The following CDH4 variants were observed in gnomAD, a reference collection of about 807,000 sequenced individuals.
The protein encoded by CDH4 is cadherin 4.
Under a neutral mutation model 86.0 loss-of-function variants are expected in CDH4, and 33 were observed. The observed-to-expected ratio is 0.38, with a 90% CI of 0.29 to 0.51. CDH4 has a LOEUF of 0.51. Ranked by LOEUF, CDH4 falls within the 20% of genes least tolerant of loss-of-function variation. The pLI is 0.86. For missense variants in CDH4, 1,114 were observed against 1,307.4 expected (o/e 0.85, Z 2.28); for synonymous variants, 555 against 549.4 (o/e 1.01, Z -0.14).
chr20:61,507,256 T>C (rs1293857287), intron 2 of CDH4, among the ~76,000 whole-genome samples: 2 of 152,170 alleles, frequency 1.3e-5, no homozygotes, highest in Non-Finnish European at 1.5e-5. Flanking sequence ...CACATCTAAT[T>C]AGGAGATGGT....
chr20:61,271,967 A>T (rs1339910951), intron 2 of CDH4, among the ~76,000 whole-genome samples: 1 of 152,200 alleles, frequency 6.6e-6, no homozygotes, highest in East Asian at 1.9e-4. Flanking sequence ...AGCCGTGTGC[A>T]TGGAGGACGG....
chr20:61,605,979 C>T (rs911069023), intron 2 of CDH4, among the ~76,000 whole-genome samples: 1 of 151,954 alleles, frequency 6.6e-6, no homozygotes, highest in Admixed American at 6.6e-5. Flanking sequence ...GATGAGGAGG[C>T]CCTGGGTGGA....
intron 2 of CDH4, among the ~76,000 whole-genome samples, chr20:61,317,038 A>G (rs1405380874): frequency 6.7e-6 from 1 of 149,794 alleles, no homozygotes; most frequent in African/African-American, 2.5e-5. Context: ...GTTTATTTAT[A>G]TACTTATTAT....
chr20:61,806,171 A>G (rs192490518), intron 4 of CDH4, among the ~76,000 whole-genome samples: 1 of 152,244 alleles, frequency 6.6e-6, no homozygotes, highest in African/African-American at 2.4e-5. Context: ...ACAGTGCGGC[A>G]GTGACCTCTT....
rs371789065 is a variant in CDH4, at chr20:61,646,196, C to T, written c.170-97367C>T. ...TGGGAAGTCAGCTCATTAAAGAACC[C>T]GGCACCTAGATCAGGGGCCTCTTCA... is the stretch of plus-strand genomic sequence containing the variant. On this transcript the variant is annotated intron_variant, in intron 2 of 15. Coordinates refer to ENST00000614565, the MANE Select transcript of CDH4 (RefSeq NM_001794.5). Among the ~76,000 whole-genome samples, 7 of 152,058 alleles carry T rather than the reference C, an allele frequency of 4.6e-5. No homozygotes were observed. The East Asian group carries it at 5.8e-4, about 13-fold the overall frequency.
intron 8 of CDH4, among the ~76,000 whole-genome samples, chr20:61,908,792 G>A (rs917655951): frequency 6.6e-5 from 10 of 152,198 alleles, no homozygotes; most frequent in Admixed American, 6.5e-5. Context: ...GGGCCAGGCC[G>A]AGCTGCAGGG....
chr20:61,829,173 G>A lies in CDH4; in HGVS notation c.577-15495G>A, dbSNP rs1981467375. Among the ~76,000 whole-genome samples, 1 of 152,198 alleles carries A rather than the reference G, an allele frequency of 6.6e-6. No individual in the cohort carries two copies. Among genetic ancestry groups the A allele is most frequent in the Non-Finnish European group, 1.5e-5 (1 of 68,028 alleles). ...TTAAGCAGTCGCTTCTCCTTCCCTG[G>A]CCTCGCCCCCAGCAGCCAATAACGT... is the stretch of plus-strand genomic sequence containing the variant. On this transcript the variant is annotated intron_variant, in intron 4 of 15. Coordinates refer to ENST00000614565, the MANE Select transcript of CDH4 (RefSeq NM_001794.5). This position sits in a 1 kb window ranked among gnomAD's most constrained non-coding sequence, Gnocchi z 4.2.
chr20:61,324,979 A>T (rs896505222), intron 2 of CDH4, among the ~76,000 whole-genome samples: 1 of 152,188 alleles, frequency 6.6e-6, no homozygotes, highest in African/African-American at 2.4e-5. Context: ...ACTCACAGCC[A>T]TGCCTGCAGG....
intron 2 of CDH4, among the ~76,000 whole-genome samples, chr20:61,589,694 T>A (rs1229697188): frequency 3.3e-5 from 5 of 152,098 alleles, no homozygotes; most frequent in Admixed American, 6.5e-5. Context: ...GCCATGCTGG[T>A]GTGCTGCACC....
intron 2 of CDH4, among the ~76,000 whole-genome samples, chr20:61,495,017 G>T (rs148925289): frequency 2.6e-5 from 4 of 152,386 alleles, no homozygotes; most frequent in Non-Finnish European, 5.9e-5. Flanking sequence ...ACCTTGCATG[G>T]TGGGAGTAAC....
chr20:61,760,268 G>A (rs895888090), intron 3 of CDH4, among the ~76,000 whole-genome samples: 6 of 152,214 alleles, frequency 3.9e-5, no homozygotes, highest in Non-Finnish European at 7.3e-5. Flanking sequence ...CCCTCCACGG[G>A]GTGATGGTAA....
At chr20:61,308,869 G>A (rs1027830451) in intron 2 of CDH4, among the ~76,000 whole-genome samples, 3 of 152,194 alleles carry the variant, frequency 2.0e-5, no homozygotes, top group African/African-American at 7.2e-5. Flanking sequence ...CTTAAGCCCT[G>A]ATCAAAGGGC....
At position 61,928,383 on chromosome 20, in the gene CDH4, G is replaced by C; in HGVS notation, c.1965G>C (p.Pro655=). 6 of 1,611,818 alleles carry C rather than the reference G, an allele frequency of 3.7e-6. No homozygotes were observed. The highest frequency in any genetic ancestry group is 5.1e-6 in the Non-Finnish European group (6 of 1,180,004). ...GPYVFELPFV[P]AAVRKNWTIT... ...ACGTCTTCGAGCTGCCCTTTGTCCC[G>C]GCGGCCGTGCGGAAGAACTGGACCA... Residue 655 remains proline (P), a synonymous_variant, in exon 12 of 16, where the codon CCG becomes CCC. Coordinates refer to ENST00000614565, the MANE Select transcript of CDH4 (RefSeq NM_001794.5).
At chr20:61,881,849 T>C (rs775860758) in intron 7 of CDH4, among the ~76,000 whole-genome samples, 4 of 152,192 alleles carry the variant, frequency 2.6e-5, no homozygotes, top group Non-Finnish European at 5.9e-5. Flanking sequence ...CGTGACCTTA[T>C]CTGGAAAAGG....
chr20:61,611,615 A>G (rs1287962708), intron 2 of CDH4, among the ~76,000 whole-genome samples: 4 of 152,076 alleles, frequency 2.6e-5, no homozygotes, highest in African/African-American at 9.7e-5. Flanking sequence ...GCCAAGACTC[A>G]TGTCAGAGGT....
intron 6 of CDH4, among the ~76,000 whole-genome samples, chr20:61,872,021 G>A (rs1408299153): frequency 6.6e-6 from 1 of 152,192 alleles, no homozygotes; most frequent in Admixed American, 6.5e-5. Context: ...GGCTGCAGAG[G>A]GAGGGCGAGG....
At chr20:61,504,799 T>C (rs2085728817) in intron 2 of CDH4, among the ~76,000 whole-genome samples, 1 of 152,254 alleles carries the variant, frequency 6.6e-6, no homozygotes, top group South Asian at 2.1e-4. Flanking sequence ...GTGGTGGCAC[T>C]ACCCTTGATC....
intron 2 of CDH4, among the ~76,000 whole-genome samples, chr20:61,346,619 C>T (rs1314315140): frequency 6.6e-6 from 1 of 152,112 alleles, no homozygotes; most frequent in African/African-American, 2.4e-5. Flanking sequence ...TGGCACGTGC[C>T]TGTAGTCCCA....
intron 2 of CDH4, among the ~76,000 whole-genome samples, chr20:61,620,158 A>ATGAATGGATGGACGGATGGGTGGGTGGG (rs2086758284): frequency 8.0e-6 from 1 of 125,110 alleles, no homozygotes; most frequent in Non-Finnish European, 1.6e-5. Context: ...GATGGTTTGG[A>ATGAATGGATGGACGGATGGGTGGGTGGG]TGGATGGATG....
Sources: allele counts gnomAD v4.1 joint callset (sites outside exome capture counted in the v4.1 genomes callset), GRCh38; gene constraint gnomAD v4.1.1; non-coding constraint Gnocchi (gnomAD v3.1); transcripts MANE v1.5; gene names NCBI Gene and HGNC (gene_info 2026-07-23, HGNC 2026-07-21).